The following RNF216 variants were observed in gnomAD, a reference collection of about 807,000 sequenced individuals.
The protein encoded by RNF216 is ring finger protein 216, also known as E3 ubiquitin-protein ligase RNF216.
RNF216 carries 72 observed loss-of-function variants against 110.8 expected under a neutral mutation model. The observed-to-expected ratio is 0.65, with a 90% CI of 0.54 to 0.79. The LOEUF (loss-of-function observed/expected upper bound fraction) is 0.79. RNF216 is among the 30% of genes least tolerant of loss of function. The pLI is 0.00. For missense variants in RNF216, 1,342 were observed against 1,141.2 expected, an observed-to-expected ratio of 1.18 and a Z score of -2.54; for synonymous variants, 495 against 407.5, an observed-to-expected ratio of 1.21 and a Z score of -2.59.
At chr7:5,729,155 T>G (rs1793935129) in intron 7 of RNF216, among the ~76,000 whole-genome samples, 1 of 152,176 alleles carries the variant, frequency 6.6e-6, no homozygotes, top group Admixed American at 6.5e-5. Context: ...GGAGCAGCAT[T>G]AGAATGCATC....
intron 15 of RNF216, among the ~76,000 whole-genome samples, chr7:5,640,177 C>T (rs570683009): frequency 2.0e-4 from 31 of 152,088 alleles, no homozygotes; most frequent in Middle Eastern, 3.4e-3. Flanking sequence ...GCATCACAGG[C>T]GTGAGCTACT....
chr7:5,694,574 C>T (rs1348300364), intron 13 of RNF216, among the ~76,000 whole-genome samples: 1 of 152,204 alleles, frequency 6.6e-6, no homozygotes, highest in Non-Finnish European at 1.5e-5. Context: ...GTTTAAACGA[C>T]AAAACAAATC....
In RNF216 at chr7:5,629,826, C is replaced by CAAAA. The variant is rs34172457; in HGVS notation, c.2383-5705_2383-5702dup. ...TGGGCAACAGAGCAAGACTCTGTCT[C>CAAAA]AAAAAAAAAAAAAAAAAAAAAAAGA... On this transcript the variant is annotated intron_variant, in intron 15 of 16. Transcript: ENST00000389902. Among the ~76,000 whole-genome samples, 60 of 53,998 alleles carry CAAAA rather than the reference C, an allele frequency of 1.1e-3. 2 individuals are homozygous for CAAAA. Among genetic ancestry groups the CAAAA allele is most frequent in the African/African-American group, 2.7e-3 (38 of 14,258 alleles). 35.4% of individuals were successfully genotyped at this position (53,998 alleles called of 152,430 possible). A position where few individuals can be genotyped will look rare whatever the true frequency, so the allele number is the denominator to read the frequency against.
chr7:5,698,504 C>A (rs1248156014), intron 13 of RNF216, among the ~76,000 whole-genome samples: 1 of 152,154 alleles, frequency 6.6e-6, no homozygotes, highest in Non-Finnish European at 1.5e-5. Flanking sequence ...ATCTTCCCGC[C>A]TCAGCCTCCC....
rs761920023 is a variant in RNF216, at chr7:5,622,952, C to T, written c.2680G>A (p.Val894Met). 33 of 1,613,948 alleles carry T rather than the reference C, an allele frequency of 2.0e-5. No homozygotes were observed. Among genetic ancestry groups the T allele is most frequent in the Non-Finnish European group, 2.8e-5 (33 of 1,179,980 alleles). ...GGACCGAAGTCATAGTTGACCCGCA[C>T]GTTGGGCAGAGGGGGCACGTACGGG... ...PAPYVPPLPN[V>M]RVNYDFGPIH... is the part of the protein sequence containing the mutation. The change falls in exon 17 of 17, where the codon GTG (valine) becomes ATG (methionine). Residue 894 changes from valine to methionine, a missense_variant. Physicochemically the swap from Val to Met is conservative, Grantham distance 21 (BLOSUM62 1). Transcript: ENST00000389902.
At chr7:5,665,067 C>T (rs961141198) in intron 13 of RNF216, among the ~76,000 whole-genome samples, 3 of 151,998 alleles carry the variant, frequency 2.0e-5, no homozygotes, top group East Asian at 1.9e-4. Flanking sequence ...CAAAGTGCTG[C>T]GATTACAGGC....
At chr7:5,666,550 G>A (rs1246658584) in intron 13 of RNF216, 4 of 152,346 alleles carry the variant, frequency 2.6e-5, no homozygotes, top group African/African-American at 9.6e-5. Context: ...AGAGTAAACA[G>A]ATGCTGAAGA....
At chr7:5,723,131 C>A (rs1228181194) in intron 8 of RNF216, among the ~76,000 whole-genome samples, 1 of 151,998 alleles carries the variant, frequency 6.6e-6, no homozygotes, top group Non-Finnish European at 1.5e-5. Flanking sequence ...ATAATAATGG[C>A]ACATACATCT....
intron 13 of RNF216, among the ~76,000 whole-genome samples, chr7:5,707,720 T>G (rs538396947): frequency 0.056 from 2,762 of 49,500 alleles, 29 homozygotes; most frequent in Admixed American, 0.093. Context: ...TGTGTGTGGT[T>G]TTTTTTTTTT....
At chr7:5,717,661 T>G (rs927592636) in intron 9 of RNF216, among the ~76,000 whole-genome samples, 4 of 152,216 alleles carry the variant, frequency 2.6e-5, no homozygotes, top group Non-Finnish European at 5.9e-5. Context: ...TTACATAAAA[T>G]GGTATACCAG....
At chr7:5,747,147 T>G (rs1339273580) in intron 3 of RNF216, among the ~76,000 whole-genome samples, 1 of 152,230 alleles carries the variant, frequency 6.6e-6, no homozygotes, top group Non-Finnish European at 1.5e-5. Context: ...TTCAACTGTT[T>G]CCTTATAAAA....
chr7:5,648,344 T>C (rs1788174780), intron 14 of RNF216, among the ~76,000 whole-genome samples: 2 of 151,574 alleles, frequency 1.3e-5, no homozygotes. Context: ...CGACCTCAGG[T>C]GATCCGCCTG....
chr7:5,759,635 T>TCTTC (rs1554264395), intron 2 of RNF216, among the ~76,000 whole-genome samples: 2 of 120,136 alleles, frequency 1.7e-5, no homozygotes, highest in African/African-American at 2.9e-5. Flanking sequence ...TTTTTCTTCT[T>TCTTC]TTTTTTTTTT....
intron 15 of RNF216, among the ~76,000 whole-genome samples, chr7:5,628,254 G>A (rs528656193): frequency 1.2e-4 from 18 of 152,162 alleles, no homozygotes; most frequent in Non-Finnish European, 2.1e-4. Flanking sequence ...TGGGAGTCAC[G>A]CCCTTAGGAG....
At chr7:5,652,084 T>C (rs898995124) in intron 14 of RNF216, among the ~76,000 whole-genome samples, 4 of 152,226 alleles carry the variant, frequency 2.6e-5, no homozygotes, top group Non-Finnish European at 5.9e-5. Flanking sequence ...AACAGTTTCC[T>C]ATAACACAGA....
intron 5 of RNF216, among the ~76,000 whole-genome samples, chr7:5,734,664 T>C (rs1794285564): frequency 6.7e-6 from 1 of 148,690 alleles, no homozygotes; most frequent in African/African-American, 2.6e-5. Flanking sequence ...GCTTTAAGAG[T>C]TTGGGTAATC....
intron 13 of RNF216, among the ~76,000 whole-genome samples, chr7:5,655,755 A>G (rs930093126): frequency 4.8e-5 from 7 of 147,148 alleles, no homozygotes; most frequent in African/African-American, 1.9e-4. Flanking sequence ...TCTCTCTTCT[A>G]AACAGTGTAA....
At chr7:5,742,806 G>C (rs1372954768) in intron 3 of RNF216, among the ~76,000 whole-genome samples, 1 of 151,650 alleles carries the variant, frequency 6.6e-6, no homozygotes, top group South Asian at 2.1e-4. Context: ...ATGTTGGCCA[G>C]GCTGGTCTTG....
intron 3 of RNF216, among the ~76,000 whole-genome samples, chr7:5,749,316 A>C (rs993332072): frequency 6.6e-6 from 1 of 151,878 alleles, no homozygotes; most frequent in African/African-American, 2.4e-5. Flanking sequence ...ATGCCTGGTT[A>C]ATTTTTGTAT....
Sources: gnomAD v4.1 joint callset for allele counts (sites outside exome capture counted in the v4.1 genomes callset) on GRCh38, gnomAD v4.1.1 for gene constraint, MANE v1.5 for transcripts, NCBI Gene and HGNC (gene_info 2026-07-23, HGNC 2026-07-21) for gene names.